TBC1D5: variants seen among roughly 807,000 people sequenced by gnomAD.
TBC1D5 encodes TBC1 domain family member 5, also known as TBC1 domain family, member 5.
TBC1D5 carries 75 observed loss-of-function variants against 100.3 expected under a neutral mutation model. The observed-to-expected ratio is 0.75, with a 90% CI of 0.62 to 0.91. TBC1D5 has a LOEUF of 0.91. TBC1D5 is among the 40% of genes least tolerant of loss of function. The pLI is 0.00. For synonymous variants in TBC1D5, 323 were observed against 325.6 expected (o/e 0.99, Z 0.09); for missense variants, 910 against 942.4 (o/e 0.97, Z 0.45).
chr3:17,350,639 T>C (rs1037592427), intron 13 of TBC1D5, among the ~76,000 whole-genome samples: 2 of 152,160 alleles, frequency 1.3e-5, no homozygotes, highest in Admixed American at 1.3e-4. Flanking sequence ...TAACAAATCA[T>C]CATTTAATTA....
chr3:17,593,443 A>C (rs1407021308), intron 2 of TBC1D5, among the ~76,000 whole-genome samples: 3 of 152,144 alleles, frequency 2.0e-5, no homozygotes, highest in Non-Finnish European at 4.4e-5. Context: ...ACCAACACTG[A>C]GCCCTCGATA....
At chr3:17,306,153 C>T (rs2083381572) in intron 14 of TBC1D5, among the ~76,000 whole-genome samples, 1 of 152,134 alleles carries the variant, frequency 6.6e-6, no homozygotes, top group Non-Finnish European at 1.5e-5. Flanking sequence ...GTCTTGTATG[C>T]AGATCCTCTT....
intron 1 of TBC1D5, among the ~76,000 whole-genome samples, chr3:17,629,381 C>A (rs2153668242): frequency 6.6e-6 from 1 of 152,204 alleles, no homozygotes; most frequent in East Asian, 1.9e-4. Flanking sequence ...TAAAAGGCAG[C>A]TGTGCTAGTA....
chr3:17,474,090 AAG>A (rs1330150129), intron 3 of TBC1D5, among the ~76,000 whole-genome samples: 2 of 150,870 alleles, frequency 1.3e-5, no homozygotes, highest in African/African-American at 5.0e-5. Flanking sequence ...ACATAAAATT[AAG>A]AGAGATGCAG....
intron 14 of TBC1D5, 124 bp downstream of exon 14, chr3:17,307,868 C>G (rs2083557832): frequency 2.4e-6 from 3 of 1,226,202 alleles, no homozygotes; most frequent in Non-Finnish European, 3.4e-6. Flanking sequence ...CAGTATATTA[C>G]CCTACTACAA....
intron 13 of TBC1D5, among the ~76,000 whole-genome samples, chr3:17,327,976 C>T (rs1273946863): frequency 6.6e-6 from 1 of 151,782 alleles, no homozygotes; most frequent in Non-Finnish European, 1.5e-5. Flanking sequence ...CTTTAAAAAC[C>T]CTCTATTTCT....
intron 3 of TBC1D5, among the ~76,000 whole-genome samples, chr3:17,495,759 T>C (rs758211725): frequency 2.0e-5 from 3 of 152,196 alleles, no homozygotes; most frequent in Non-Finnish European, 4.4e-5. Flanking sequence ...CAAAAGCCCA[T>C]TTGAGAATTA....
chr3:17,709,851 C>A (rs75490574), intron 1 of TBC1D5, among the ~76,000 whole-genome samples: 2,521 of 152,198 alleles, frequency 0.017, 52 homozygotes, highest in South Asian at 0.047. Context: ...ATTCTTAGAG[C>A]TATCAACAAC....
intron 2 of TBC1D5, among the ~76,000 whole-genome samples, chr3:17,530,606 A>G (rs952526245): frequency 6.6e-6 from 1 of 152,200 alleles, no homozygotes; most frequent in Non-Finnish European, 1.5e-5. Context: ...TTGAATAGTT[A>G]TATTTTCTTG....
intron 1 of TBC1D5, among the ~76,000 whole-genome samples, chr3:17,632,731 T>C (rs1268631292): frequency 6.6e-6 from 1 of 152,236 alleles, no homozygotes; most frequent in Non-Finnish European, 1.5e-5. Context: ...ATCGTTCACA[T>C]TTTTTAGCAT....
At chr3:17,736,371 G>A (rs2076966518) in intron 1 of TBC1D5, among the ~76,000 whole-genome samples, 2 of 152,162 alleles carry the variant, frequency 1.3e-5, no homozygotes, top group South Asian at 4.1e-4. Flanking sequence ...CCCAATCTTA[G>A]AGAAATGAAG....
chr3:17,271,486 G>A (rs1029994259), intron 15 of TBC1D5, among the ~76,000 whole-genome samples: 6 of 152,130 alleles, frequency 3.9e-5, no homozygotes, highest in Non-Finnish European at 8.8e-5. Flanking sequence ...TTGTTTATCA[G>A]GTCTAGGAGA....
chr3:17,238,254 G>A (rs978113884), exon 17 of TBC1D5: 13 of 1,614,024 alleles, frequency 8.1e-6, no homozygotes, highest in Non-Finnish European at 9.3e-6. Context: ...CCTCTGCTGA[G>A]GTCCTGGTAG....
At chr3:17,278,204 G>A (rs769760012) in intron 15 of TBC1D5, among the ~76,000 whole-genome samples, 10 of 152,274 alleles carry the variant, frequency 6.6e-5, no homozygotes, top group South Asian at 2.1e-4. Context: ...CCCTGCTAAC[G>A]GGTGTGTCTG....
At chr3:17,500,753 C>T (rs1467089232) in intron 3 of TBC1D5, among the ~76,000 whole-genome samples, 1 of 149,448 alleles carries the variant, frequency 6.7e-6, no homozygotes, top group East Asian at 1.9e-4. Flanking sequence ...TTCCTCTATC[C>T]AAGTTCTAAT....
intron 3 of TBC1D5, among the ~76,000 whole-genome samples, chr3:17,451,315 C>T (rs931368566): frequency 2.0e-5 from 3 of 152,146 alleles, no homozygotes; most frequent in African/African-American, 4.8e-5. Flanking sequence ...GAAGAAACTG[C>T]ATCAACTAAT....
intron 13 of TBC1D5, among the ~76,000 whole-genome samples, chr3:17,341,301 A>G (rs1418723975): frequency 6.6e-6 from 1 of 151,982 alleles, no homozygotes; most frequent in African/African-American, 2.4e-5. Flanking sequence ...GGTTCACGCC[A>G]TTCTCCGGCC....
chr3:17,309,772 CAA>C (rs1467723593), intron 13 of TBC1D5, among the ~76,000 whole-genome samples: 1 of 152,044 alleles, frequency 6.6e-6, no homozygotes, highest in Non-Finnish European at 1.5e-5. Flanking sequence ...ACTGATCTTG[CAA>C]AGAGTACCAG....
chr3:17,418,063 G>A (rs990541651), intron 4 of TBC1D5, among the ~76,000 whole-genome samples: 2 of 151,988 alleles, frequency 1.3e-5, no homozygotes, highest in African/African-American at 2.4e-5. Flanking sequence ...GTCTCTCTCA[G>A]AACATAACAT....
Sources: gnomAD v4.1 joint callset for allele counts (sites outside exome capture counted in the v4.1 genomes callset) on GRCh38, gnomAD v4.1.1 for gene constraint, MANE v1.5 for transcripts, NCBI Gene and HGNC (gene_info 2026-07-23, HGNC 2026-07-21) for gene names.